The following TANC2 variants were observed in gnomAD, a reference collection of about 807,000 sequenced individuals.
The protein encoded by TANC2 is protein TANC2.
Under a neutral mutation model 210.5 loss-of-function variants are expected in TANC2, and 26 were observed. The ratio of observed to expected loss-of-function variants is 0.12; its 90% confidence interval spans 0.09 to 0.17. TANC2 has a LOEUF of 0.17. Among genes scored for constraint, TANC2 ranks in the 10% least tolerant of loss-of-function variants. The pLI is 1.00. For missense variants in TANC2, 2,129 were observed against 2,608.9 expected (o/e 0.82, Z 4.01); for synonymous variants, 931 against 967.1 (o/e 0.96, Z 0.69).
At chr17:63,260,069 C>T (rs546945837) in intron 8 of TANC2, among the ~76,000 whole-genome samples, 19 of 151,964 alleles carry the variant, frequency 1.3e-4, no homozygotes, top group Middle Eastern at 3.4e-3. Context: ...AAGAAAGTGG[C>T]GAAGATGAAT....
chr17:63,107,769 T>A (rs1013981615), intron 4 of TANC2, among the ~76,000 whole-genome samples: 2 of 151,608 alleles, frequency 1.3e-5, no homozygotes, highest in African/African-American at 2.4e-5. Context: ...AGGCAAGTAA[T>A]CTATAGAGAC....
chr17:63,331,835 AGT>A (rs72378149), intron 11 of TANC2: 1,731 of 150,916 alleles, frequency 0.011, 11 homozygotes, highest in Middle Eastern at 0.015. Flanking sequence ...GTAAGATAAG[AGT>A]GTGTGTGTGT....
intron 5 of TANC2, among the ~76,000 whole-genome samples, chr17:63,190,928 C>T (rs2041164066): frequency 6.6e-6 from 1 of 152,110 alleles, no homozygotes; most frequent in Non-Finnish European, 1.5e-5. Flanking sequence ...CTCTCTTAAG[C>T]TACCACTATT....
At chr17:63,364,613 C>T (rs1027562121) in intron 14 of TANC2, among the ~76,000 whole-genome samples, 1 of 152,024 alleles carries the variant, frequency 6.6e-6, no homozygotes, top group African/African-American at 2.4e-5. Context: ...AAATGCTTAG[C>T]GTTTACTTAT....
At chr17:63,184,707 G>A (rs2040914617) in intron 5 of TANC2, among the ~76,000 whole-genome samples, 1 of 148,944 alleles carries the variant, frequency 6.7e-6, no homozygotes, top group African/African-American at 2.5e-5. Context: ...ATGCTGGAGT[G>A]CAATGGCACG....
At chr17:62,968,267 T>C (rs1261283964) in intron 1 of TANC2, among the ~76,000 whole-genome samples, 1 of 152,196 alleles carries the variant, frequency 6.6e-6, no homozygotes, top group Non-Finnish European at 1.5e-5. Context: ...TGTACTTAAT[T>C]ATTGATGAGA....
chr17:63,410,552 G>A (rs1039615254), intron 21 of TANC2, among the ~76,000 whole-genome samples: 2 of 152,056 alleles, frequency 1.3e-5, no homozygotes, highest in Admixed American at 6.5e-5. Flanking sequence ...CTGTCTCAAG[G>A]AGTTAGCACT....
intron 14 of TANC2, among the ~76,000 whole-genome samples, chr17:63,364,579 C>G (rs1014668862): frequency 3.3e-5 from 5 of 152,070 alleles, no homozygotes; most frequent in African/African-American, 1.2e-4. Flanking sequence ...CCAAAAGGCC[C>G]AGAAGTGATG....
intron 4 of TANC2, among the ~76,000 whole-genome samples, chr17:63,143,996 G>A (rs1303576601): frequency 3.3e-5 from 5 of 151,980 alleles, no homozygotes; most frequent in African/African-American, 9.6e-5. Context: ...TTAAAAAAAA[G>A]AAAAAATTCT....
At chr17:63,258,157 A>G (rs1452354360) in intron 8 of TANC2, among the ~76,000 whole-genome samples, 1 of 152,030 alleles carries the variant, frequency 6.6e-6, no homozygotes, top group Non-Finnish European at 1.5e-5. Context: ...TTTTCTCATC[A>G]GCACTTTAAA....
intron 8 of TANC2, among the ~76,000 whole-genome samples, chr17:63,265,593 G>A (rs1379175479): frequency 6.6e-6 from 1 of 152,164 alleles, no homozygotes; most frequent in Non-Finnish European, 1.5e-5. Flanking sequence ...GAAAGGAAGG[G>A]AGATGATGCT....
chr17:63,136,930 G>A (rs1022136733), intron 4 of TANC2, among the ~76,000 whole-genome samples: 16 of 152,234 alleles, frequency 1.1e-4, no homozygotes, highest in African/African-American at 3.4e-4. Context: ...AGAGTACTGA[G>A]GACAGAGCTA....
Position 63,151,419 on chromosome 17 carries a change from G to A in TANC2, c.433+39G>A. On this transcript the variant is annotated intron_variant, in intron 5 of 27. Transcript: ENST00000689528. ...CAAAGTGTCTGCTTTGAAAGAGGGAGGATTGGATCAGGCCCATCCAGCAGA... is the reference window on the plus strand; with the variant it reads ...CAAAGTGTCTGCTTTGAAAGAGGGAAGATTGGATCAGGCCCATCCAGCAGA... 2 of 944,580 alleles carry A rather than the reference G, an allele frequency of 2.1e-6. 1 individual carries two copies. The highest frequency in any genetic ancestry group is 9.8e-5 in the South Asian group (2 of 20,430). 58.5% of individuals were successfully genotyped at this position (944,580 alleles called of 1,614,324 possible).
At chr17:63,294,121 G>A (rs557259500) in intron 9 of TANC2, among the ~76,000 whole-genome samples, 1 of 152,240 alleles carries the variant, frequency 6.6e-6, no homozygotes, top group South Asian at 2.1e-4. Flanking sequence ...TCTGCCATAA[G>A]CCTAATTTAC....
intron 7 of TANC2, among the ~76,000 whole-genome samples, chr17:63,214,270 T>C (rs2041967124): frequency 6.6e-6 from 1 of 152,308 alleles, no homozygotes; most frequent in South Asian, 2.1e-4. Context: ...AAGGTATTGA[T>C]TGACTTGTGC....
intron 2 of TANC2, among the ~76,000 whole-genome samples, chr17:63,071,139 C>G (rs1338436431): frequency 1.3e-5 from 2 of 152,086 alleles, no homozygotes; most frequent in East Asian, 3.9e-4. Flanking sequence ...GTTAGAGCAG[C>G]TTTTTTCTTG....
At chr17:63,041,866 T>C (rs2035202181) in intron 2 of TANC2, among the ~76,000 whole-genome samples, 6 of 152,178 alleles carry the variant, frequency 3.9e-5, no homozygotes, top group Admixed American at 3.9e-4. Context: ...TCCCATCATA[T>C]TAAAATTGCA....
chr17:63,059,489 G>C (rs1003518792), intron 2 of TANC2, among the ~76,000 whole-genome samples: 1 of 152,150 alleles, frequency 6.6e-6, no homozygotes, highest in Non-Finnish European at 1.5e-5. Flanking sequence ...GCAAGTTGCA[G>C]AATGGTGATA....
intron 8 of TANC2, among the ~76,000 whole-genome samples, chr17:63,259,088 C>T (rs1296713586): frequency 6.6e-6 from 1 of 152,124 alleles, no homozygotes; most frequent in Non-Finnish European, 1.5e-5. Context: ...AGCAGGTTCC[C>T]TTCTGGCACG....
Sources: allele counts gnomAD v4.1 joint callset (sites outside exome capture counted in the v4.1 genomes callset), GRCh38; gene constraint gnomAD v4.1.1; transcripts MANE v1.5; gene names NCBI Gene and HGNC (gene_info 2026-07-23, HGNC 2026-07-21).